The following RTN3 variants were observed in gnomAD, a reference collection of about 807,000 sequenced individuals.
RTN3 encodes the protein reticulon 3.
In RTN3, 49 loss-of-function variants were observed where a neutral mutation model predicts 77.8. The ratio of observed to expected loss-of-function variants is 0.63; its 90% CI spans 0.50 to 0.80. The LOEUF (loss-of-function observed/expected upper bound fraction) is 0.80, where lower values mean the gene tolerates loss of function less well. Among genes scored for constraint, RTN3 ranks in the 30% least tolerant of loss-of-function variants. The probability of loss-of-function intolerance (pLI) is 0.00; values close to 1 mark genes in which losing one functional copy is unlikely to be tolerated. For synonymous variants in RTN3, 464 were observed against 446.9 expected (o/e 1.04, Z -0.48); for missense variants, 1,236 against 1,211.9 (o/e 1.02, Z -0.29).
chr11:63,699,525 C>G (rs1054571271), intron 1 of RTN3, among the ~76,000 whole-genome samples: 1 of 152,178 alleles, frequency 6.6e-6, no homozygotes, highest in African/African-American at 2.4e-5. Flanking sequence ...CGTCCATGCT[C>G]TACCCTGCTG....
intron 3 of RTN3, among the ~76,000 whole-genome samples, chr11:63,729,137 AAAAG>A (rs2012498199): frequency 6.6e-6 from 1 of 151,984 alleles, no homozygotes; most frequent in Admixed American, 6.6e-5. Flanking sequence ...AAAGAAAACT[AAAAG>A]AATTCTACCA....
intron 3 of RTN3, among the ~76,000 whole-genome samples, chr11:63,732,679 A>G (rs1202674629): frequency 6.6e-6 from 1 of 152,220 alleles, no homozygotes; most frequent in Non-Finnish European, 1.5e-5. Flanking sequence ...TTTATATTAA[A>G]GAAATTAAAT....
chr11:63,755,769 C>T (rs1450918691), intron 7 of RTN3, among the ~76,000 whole-genome samples: 1 of 150,352 alleles, frequency 6.7e-6, no homozygotes, highest in Non-Finnish European at 1.5e-5. Context: ...ACCATCCTGG[C>T]TAACACGGTG....
chr11:63,708,496 T>C (rs1342155546), intron 2 of RTN3, among the ~76,000 whole-genome samples: 2 of 152,200 alleles, frequency 1.3e-5, no homozygotes, highest in Non-Finnish European at 2.9e-5. Context: ...AAGTGACTTT[T>C]TTTTTATCCT....
At position 63,716,603 on chromosome 11, in the gene RTN3, G is replaced by A. The variant is rs1024913419; in HGVS notation, c.200-2099G>A. On this transcript the variant is annotated intron_variant, in intron 2 of 8. Coordinates refer to ENST00000377819, the MANE Select transcript of RTN3 (RefSeq NM_001265589.2). ...CCCAGCACTTCAGGAGGCCGAGGTG[G>A]GCAGGTTGCTTGAGCCCAGTAGTTT... Among the ~76,000 whole-genome samples, 3 of 152,336 alleles carry A rather than the reference G, an allele frequency of 2.0e-5. No individual in the cohort carries two copies. In the South Asian group the frequency reaches 6.2e-4, roughly 32 times the overall value.
At chr11:63,758,111 C>T (rs150995942) in intron 8 of RTN3, 45 bp from the exon 9 acceptor site, 945 of 1,345,210 alleles carry the variant, frequency 7.0e-4, no homozygotes, top group Non-Finnish European at 8.5e-4. Context: ...AGAGCAAATG[C>T]TAATGTTTTC....
intron 3 of RTN3, among the ~76,000 whole-genome samples, chr11:63,742,827 A>G (rs1164892464): frequency 1.3e-5 from 2 of 151,960 alleles, no homozygotes; most frequent in African/African-American, 4.8e-5. Flanking sequence ...CTGGTCTTAT[A>G]TATCTTTTGT....
chr11:63,730,059 C>T (rs377754464), intron 3 of RTN3, among the ~76,000 whole-genome samples: 25 of 152,102 alleles, frequency 1.6e-4, no homozygotes, highest in African/African-American at 4.6e-4. Flanking sequence ...CTCTGCCTTC[C>T]GGGTTCAAGG....
intron 1 of RTN3, among the ~76,000 whole-genome samples, chr11:63,690,011 C>A (rs1941572562): frequency 1.3e-5 from 2 of 152,022 alleles, no homozygotes; most frequent in African/African-American, 4.8e-5. Flanking sequence ...GCCCCCGCCT[C>A]GGCCTCCCAC....
rs1941058846 is a variant in RTN3, at chr11:63,681,736, T to A, written c.100T>A (p.Cys34Ser). ...CGGCGGCGGCGGGAGCCCAGGAGCC[T>A]GCCCCGCCCTGGGGACGAAGAGCTG... Reference protein sequence around the residue: ...APGGGGSPGACPALGTKSCSS... With the variant: ...APGGGGSPGASPALGTKSCSS... The change falls in exon 1 of 9, where the codon TGC becomes AGC. Residue 34 changes from cysteine to serine, a missense_variant. Cys to Ser is a moderately radical substitution (Grantham distance 112, BLOSUM62 -1). This residue lies in a region of RTN3 where 1,056 missense variants were observed against 990.4 expected (regional missense o/e 1.07). Coordinates refer to ENST00000377819, the MANE Select transcript of RTN3 (RefSeq NM_001265589.2). The A allele has an allele frequency of 1.2e-6, 2 of 1,607,328 alleles. No homozygotes were observed. The highest frequency in any genetic ancestry group is 1.7e-6 in the Non-Finnish European group (2 of 1,178,004).
chr11:63,713,973 A>G (rs777302713), intron 2 of RTN3: 1 of 517,714 alleles, frequency 1.9e-6, no homozygotes, highest in Non-Finnish European at 3.9e-6. Context: ...TTTGCCAGGT[A>G]CTGACTTGGG....
At chr11:63,741,046 C>A (rs1215325253) in intron 3 of RTN3, among the ~76,000 whole-genome samples, 1 of 152,040 alleles carries the variant, frequency 6.6e-6, no homozygotes, top group Non-Finnish European at 1.5e-5. Flanking sequence ...AGGATACAAA[C>A]TCAGGCATTC....
intron 3 of RTN3, among the ~76,000 whole-genome samples, chr11:63,748,850 A>G (rs2013949055): frequency 6.6e-6 from 1 of 151,652 alleles, no homozygotes; most frequent in Admixed American, 6.6e-5. Context: ...ATATTTTAGT[A>G]GAGACTGGCT....
intron 1 of RTN3, among the ~76,000 whole-genome samples, chr11:63,702,036 T>C (rs981964229): frequency 6.6e-6 from 1 of 152,208 alleles, no homozygotes; most frequent in Non-Finnish European, 1.5e-5. Context: ...TATTTGAAAC[T>C]AAATAGTTTT....
At chr11:63,738,312 G>A (rs1246166727) in intron 3 of RTN3, among the ~76,000 whole-genome samples, 1 of 152,056 alleles carries the variant, frequency 6.6e-6, no homozygotes, top group Non-Finnish European at 1.5e-5. Context: ...CTGTTGCAAG[G>A]AAGGTGGAAT....
At position 63,752,559 on chromosome 11, in the gene RTN3, A is replaced by G. The variant is rs533034298; in HGVS notation, c.2791A>G (p.Met931Val). Reference sequence around the variant, plus strand: ...GTCCTCAGAAGCTTTCCATAATTACATGAATGCTGCCATGGTGCACATCAA... The same window carrying G: ...GTCCTCAGAAGCTTTCCATAATTACGTGAATGCTGCCATGGTGCACATCAA... ...TLSSEAFHNYMNAAMVHINRA... is the reference protein window; with the variant it reads ...TLSSEAFHNYVNAAMVHINRA... Residue 931 changes from methionine to valine, a missense_variant, in exon 5 of 9, where the codon ATG (methionine) becomes GTG (valine). Physicochemically the swap from Met to Val is conservative, Grantham distance 21 (BLOSUM62 1). Transcript: ENST00000377819. 5 of 1,613,304 alleles carry G rather than the reference A, an allele frequency of 3.1e-6. No individual in the cohort carries two copies. Among genetic ancestry groups the G allele is most frequent in the East Asian group, 2.2e-5 (1 of 44,874 alleles).
intron 3 of RTN3, among the ~76,000 whole-genome samples, chr11:63,729,862 C>T (rs1400719533): frequency 1.3e-5 from 2 of 151,422 alleles, no homozygotes; most frequent in Non-Finnish European, 2.9e-5. Flanking sequence ...GGCATGAACA[C>T]AGCTCACTGT....
chr11:63,694,071 C>G (rs1397910973), intron 1 of RTN3, among the ~76,000 whole-genome samples: 4 of 152,020 alleles, frequency 2.6e-5, no homozygotes, highest in Non-Finnish European at 5.9e-5. Context: ...AGTGATTGCA[C>G]TACCACTGCA....
chr11:63,712,248 T>G (rs2011179379), intron 2 of RTN3, among the ~76,000 whole-genome samples: 7 of 152,188 alleles, frequency 4.6e-5, no homozygotes, highest in Admixed American at 4.6e-4. Flanking sequence ...CTCTCCCTAG[T>G]AAAAAGGCAT....
Sources: gnomAD v4.1 joint callset for allele counts (sites outside exome capture counted in the v4.1 genomes callset) on GRCh38, gnomAD v4.1.1 for gene constraint, gnomAD v4.1.1 regional missense constraint, MANE v1.5 for transcripts, NCBI Gene and HGNC (gene_info 2026-07-23, HGNC 2026-07-21) for gene names.